The following ASAP1 variants were observed in gnomAD, a reference collection of about 807,000 sequenced individuals.
ASAP1 encodes the protein arf-GAP with SH3 domain, ANK repeat and PH domain-containing protein 1.
Under a neutral mutation model 145.2 loss-of-function variants are expected in ASAP1, and 43 were observed. The observed-to-expected ratio is 0.30, with a 90% CI of 0.23 to 0.38. ASAP1 has a LOEUF of 0.38. Among genes scored for constraint, ASAP1 ranks in the 10% least tolerant of loss-of-function variants. ASAP1 has a pLI of 1.00. For missense variants in ASAP1, 1,018 were observed against 1,355.3 expected (o/e 0.75, Z 3.91); for synonymous variants, 546 against 515.5 (o/e 1.06, Z -0.80).
chr8:130,253,105 T>C (rs1370170331), intron 3 of ASAP1, among the ~76,000 whole-genome samples: 1 of 152,184 alleles, frequency 6.6e-6, no homozygotes, highest in Non-Finnish European at 1.5e-5. Flanking sequence ...ACACAATTTT[T>C]GTCTGAGATG....
chr8:130,322,404 T>TC (rs1446957356), intron 3 of ASAP1, among the ~76,000 whole-genome samples: 1 of 152,222 alleles, frequency 6.6e-6, no homozygotes, highest in Non-Finnish European at 1.5e-5. Flanking sequence ...TCAGGTGTCT[T>TC]GAGTCCCCGC....
chr8:130,325,140 G>A (rs1266001030), intron 3 of ASAP1, among the ~76,000 whole-genome samples: 14 of 152,222 alleles, frequency 9.2e-5, no homozygotes. Flanking sequence ...AATAATTAAT[G>A]TGTGAGCTTT....
At chr8:130,077,061 G>A (rs367757978) in intron 26 of ASAP1, among the ~76,000 whole-genome samples, 68 of 152,328 alleles carry the variant, frequency 4.5e-4, no homozygotes, top group African/African-American at 1.5e-3. Context: ...GGAAATGGAA[G>A]GGAATGGGGG....
chr8:130,061,217 C>A, intron 27 of ASAP1, 148 bp from the exon 28 acceptor site: 2 of 933,724 alleles, frequency 2.1e-6, no homozygotes, highest in East Asian at 2.7e-5. Flanking sequence ...CCCACCCAGG[C>A]AGTTTTACAA....
Position 130,352,591 on chromosome 8 carries a change from C to A in ASAP1, c.186+5426G>T, listed in dbSNP as rs1022556350. Among the ~76,000 whole-genome samples the A allele has an allele frequency of 2.0e-5, 3 of 152,246 alleles. No homozygotes were observed. In the South Asian group the frequency reaches 6.2e-4, roughly 32 times the overall value. ...CCTGCATGAGGACTTGACAGTAATG[C>A]GATTAATCACAAATCTGATACTGGT... On this transcript the variant is annotated intron_variant, in intron 3 of 29. Coordinates refer to ENST00000518721, the MANE Select transcript of ASAP1 (RefSeq NM_018482.4).
chr8:130,416,291 C>A (rs758667238), intron 1 of ASAP1, among the ~76,000 whole-genome samples: 1 of 152,240 alleles, frequency 6.6e-6, no homozygotes, highest in Non-Finnish European at 1.5e-5. Flanking sequence ...CAACCCCACA[C>A]TCCGTCTCTT....
At chr8:130,160,245 T>C (rs2097666232) in intron 11 of ASAP1, among the ~76,000 whole-genome samples, 1 of 152,190 alleles carries the variant, frequency 6.6e-6, no homozygotes, top group Admixed American at 6.5e-5. Context: ...CACAATGCAC[T>C]GGTAGACAGA....
chr8:130,416,265 A>G (rs1829470682), intron 1 of ASAP1, among the ~76,000 whole-genome samples: 2 of 152,170 alleles, frequency 1.3e-5, no homozygotes, highest in South Asian at 4.1e-4. Context: ...CAGGCAAAAG[A>G]GCATTGTAAG....
chr8:130,063,541 T>C lies in ASAP1; in HGVS notation c.2702-2472A>G, dbSNP rs1361333342. ...TACACTGGCCCAGGTGACTCAACTC[T>C]GGGCAGGAGAGAGATGGGACTACAG... is the stretch of plus-strand genomic sequence containing the variant. On this transcript the variant is annotated intron_variant, in intron 27 of 29. Coordinates refer to ENST00000518721, the MANE Select transcript of ASAP1 (RefSeq NM_018482.4). Among the ~76,000 whole-genome samples, 6 of 152,120 alleles carry C rather than the reference T, an allele frequency of 3.9e-5. No homozygotes were observed. The East Asian group carries it at 5.8e-4, about 15-fold the overall frequency.
chr8:130,295,034 T>C (rs1471070514), intron 3 of ASAP1, among the ~76,000 whole-genome samples: 1 of 151,982 alleles, frequency 6.6e-6, no homozygotes, highest in Non-Finnish European at 1.5e-5. Flanking sequence ...GAGGCTGAGG[T>C]GGGAGGATTG....
At chr8:130,181,839 A>C (rs1817673058) in intron 7 of ASAP1, among the ~76,000 whole-genome samples, 2 of 152,242 alleles carry the variant, frequency 1.3e-5, no homozygotes. Flanking sequence ...TTTCAGAAAC[A>C]ACCTGTAATT....
intron 7 of ASAP1, among the ~76,000 whole-genome samples, chr8:130,185,912 A>G (rs1383156774): frequency 1.3e-5 from 2 of 152,162 alleles, no homozygotes; most frequent in Non-Finnish European, 2.9e-5. Flanking sequence ...GATTTAAAAA[A>G]TATAAATAAA....
intron 1 of ASAP1, among the ~76,000 whole-genome samples, chr8:130,413,323 G>C (rs945639703): frequency 1.3e-5 from 2 of 152,154 alleles, no homozygotes; most frequent in Non-Finnish European, 2.9e-5. Context: ...TAACACTTAG[G>C]AGTAGGTCCA....
At chr8:130,208,185 A>G (rs1188587069) in intron 5 of ASAP1, among the ~76,000 whole-genome samples, 1 of 152,188 alleles carries the variant, frequency 6.6e-6, no homozygotes, top group Non-Finnish European at 1.5e-5. Flanking sequence ...AACATCTTAT[A>G]TATGTTAAAC....
intron 2 of ASAP1, among the ~76,000 whole-genome samples, chr8:130,400,662 G>A (rs1187370055): frequency 6.6e-6 from 1 of 151,930 alleles, no homozygotes; most frequent in African/African-American, 2.4e-5. Flanking sequence ...GTGATGGCAG[G>A]CGCCTGTAGT....
intron 24 of ASAP1, among the ~76,000 whole-genome samples, chr8:130,107,261 C>T (rs1355539621): frequency 2.7e-5 from 4 of 148,976 alleles, no homozygotes; most frequent in Admixed American, 1.4e-4. Context: ...CGGCTCACTG[C>T]AAGCTCCGCT....
chr8:130,089,142 T>A (rs1393763116), intron 25 of ASAP1, among the ~76,000 whole-genome samples: 1 of 152,146 alleles, frequency 6.6e-6, no homozygotes, highest in Admixed American at 6.5e-5. Context: ...TGGGGAGTTT[T>A]ACTGGACTGC....
chr8:130,139,260 T>G (rs114916460), intron 13 of ASAP1, among the ~76,000 whole-genome samples: 2 of 152,134 alleles, frequency 1.3e-5, no homozygotes, highest in Non-Finnish European at 2.9e-5. Context: ...AAGGTTGTTA[T>G]TGGGAAGGTT....
chr8:130,430,694 G>C (rs542705690), intron 1 of ASAP1, among the ~76,000 whole-genome samples: 51 of 152,304 alleles, frequency 3.3e-4, no homozygotes, highest in African/African-American at 1.2e-3. Flanking sequence ...ACACTGACCC[G>C]AGGCAGGAAC....
Sources: gnomAD v4.1 joint callset for allele counts (sites outside exome capture counted in the v4.1 genomes callset) on GRCh38, gnomAD v4.1.1 for gene constraint, MANE v1.5 for transcripts, NCBI Gene and HGNC (gene_info 2026-07-23, HGNC 2026-07-21) for gene names.